The following JAM3 variants were observed in gnomAD, a reference collection of about 807,000 sequenced individuals.
The protein encoded by JAM3 is junctional adhesion molecule 3.
A neutral mutation model predicts 39.4 loss-of-function variants in JAM3; 31 were observed. The observed-to-expected ratio is 0.79, with a 90% confidence interval of 0.59 to 1.06. JAM3 has a LOEUF of 1.06. Ranked by LOEUF, JAM3 falls within the 50% of genes least tolerant of loss-of-function variation. The pLI is 0.00. For missense variants in JAM3, 455 were observed against 391.4 expected, an observed-to-expected ratio of 1.16 and a Z score of -1.37; for synonymous variants, 182 against 148.7, an observed-to-expected ratio of 1.22 and a Z score of -1.63.
At chr11:134,141,726 G>A (rs557290489) in intron 3 of JAM3, among the ~76,000 whole-genome samples, 117 of 152,110 alleles carry the variant, frequency 7.7e-4, no homozygotes, top group Non-Finnish European at 1.3e-3. Flanking sequence ...AGAGAGACTC[G>A]AGGGGAGGCC....
intron 1 of JAM3, among the ~76,000 whole-genome samples, chr11:134,101,638 T>C (rs1942074343): frequency 6.6e-6 from 1 of 152,222 alleles, no homozygotes. Context: ...AGTGTTCTTT[T>C]GGTATAATAC....
chr11:134,088,329 T>C (rs951963562), intron 1 of JAM3, among the ~76,000 whole-genome samples: 8 of 152,212 alleles, frequency 5.3e-5, no homozygotes, highest in Admixed American at 3.9e-4. Flanking sequence ...GAAGCTCTTA[T>C]CATACCTTGC....
At chr11:134,077,209 CTGA>C (rs930385367) in intron 1 of JAM3, among the ~76,000 whole-genome samples, 3 of 152,138 alleles carry the variant, frequency 2.0e-5, no homozygotes, top group South Asian at 2.1e-4. Flanking sequence ...TTGCATCTCT[CTGA>C]TGATGAGCGA....
chr11:134,098,609 CAGAG>C (rs1303000697), intron 1 of JAM3, among the ~76,000 whole-genome samples: 1 of 152,112 alleles, frequency 6.6e-6, no homozygotes, highest in Non-Finnish European at 1.5e-5. Context: ...GCTAAAATGG[CAGAG>C]AGAAATCCTT....
intron 1 of JAM3, among the ~76,000 whole-genome samples, chr11:134,138,821 T>G (rs1942921242): frequency 6.6e-6 from 1 of 152,216 alleles, no homozygotes. Context: ...TTTGCTAGAA[T>G]TAGTGAAATC....
chr11:134,122,671 A>G (rs1234197585), intron 1 of JAM3, among the ~76,000 whole-genome samples: 2 of 152,252 alleles, frequency 1.3e-5, no homozygotes, highest in African/African-American at 2.4e-5. Context: ...TAACAAGGCA[A>G]TCAATGGTTA....
chr11:134,113,110 A>G (rs1324666803), intron 1 of JAM3, among the ~76,000 whole-genome samples: 1 of 152,020 alleles, frequency 6.6e-6, no homozygotes, highest in Non-Finnish European at 1.5e-5. Context: ...ATATTAAGGG[A>G]TCATAAATGT....
Position 134,149,439 on chromosome 11 carries a change from T to C in JAM3, c.*258T>C. 1.7e-6 allele frequency: 1 copy of C among 596,772 alleles called. No homozygotes were observed. The highest frequency in any genetic ancestry group is 2.7e-5 in the Admixed American group (1 of 37,668). The allele number at this position is 596,772 out of a possible 1,614,324, so 37.0% of individuals were successfully genotyped here. Reference sequence around the variant, plus strand: ...TGCGTTCACTGAGTTGGGTTCCTAATCTGTTTCTGGCCTGATTCCCGCATG... The same window carrying C: ...TGCGTTCACTGAGTTGGGTTCCTAACCTGTTTCTGGCCTGATTCCCGCATG... On this transcript the variant is annotated 3_prime_UTR_variant, in exon 9 of 9. Transcript: ENST00000299106.
Position 134,145,009 on chromosome 11 carries a change from A to G in JAM3, c.612+15A>G, listed in dbSNP as rs200007410. ...CAGGCACTTTGGTAAGATCTCTTCTAAGAGGTGAGGATGGAGATGTCTTTG... is the reference window on the plus strand; with the variant it reads ...CAGGCACTTTGGTAAGATCTCTTCTGAGAGGTGAGGATGGAGATGTCTTTG... On this transcript the variant is annotated intron_variant, in intron 5 of 8. Transcript: ENST00000299106. 1.6e-5 allele frequency: 25 copies of G among 1,590,322 alleles called. No individual in the cohort carries two copies. Among genetic ancestry groups the G allele is most frequent in the African/African-American group, 1.3e-5 (1 of 74,474 alleles).
At chr11:134,128,397 C>T (rs1942695591) in intron 1 of JAM3, among the ~76,000 whole-genome samples, 1 of 152,202 alleles carries the variant, frequency 6.6e-6, no homozygotes, top group African/African-American at 2.4e-5. Flanking sequence ...TATTTTGGTA[C>T]TCAAAAATTT....
intron 1 of JAM3, among the ~76,000 whole-genome samples, chr11:134,134,022 A>G (rs918435206): frequency 6.6e-6 from 1 of 151,608 alleles, no homozygotes; most frequent in African/African-American, 2.4e-5. Context: ...TAAGTAGATA[A>G]CATGCAAGAA....
At chr11:134,077,111 A>C (rs1005908247) in intron 1 of JAM3, among the ~76,000 whole-genome samples, 5 of 151,912 alleles carry the variant, frequency 3.3e-5, no homozygotes, top group Non-Finnish European at 5.9e-5. Context: ...CTGGGATTAC[A>C]TGCATGAGGC....
chr11:134,107,171 T>A (rs1277101560), intron 1 of JAM3, among the ~76,000 whole-genome samples: 3 of 152,208 alleles, frequency 2.0e-5, no homozygotes, highest in East Asian at 1.9e-4. Context: ...GATGAGTTCA[T>A]GTCCTTTGTC....
intron 1 of JAM3, among the ~76,000 whole-genome samples, chr11:134,105,904 G>A (rs1469098228): frequency 3.9e-5 from 6 of 152,140 alleles, no homozygotes; most frequent in Admixed American, 6.5e-5. Flanking sequence ...AATCAATATC[G>A]TGAAAATGGC....
At chr11:134,106,678 AAC>A (rs1438999768) in intron 1 of JAM3, among the ~76,000 whole-genome samples, 7 of 152,270 alleles carry the variant, frequency 4.6e-5, no homozygotes, top group Admixed American at 2.0e-4. Context: ...AAAGAATATG[AAC>A]AGACACTTCT....
chr11:134,124,751 C>G (rs1189791885), intron 1 of JAM3, among the ~76,000 whole-genome samples: 3 of 152,090 alleles, frequency 2.0e-5, no homozygotes, highest in Non-Finnish European at 2.9e-5. Flanking sequence ...TGAGGCCGGT[C>G]GGTGTGTCCA....
intron 1 of JAM3, among the ~76,000 whole-genome samples, chr11:134,116,912 A>G (rs1011148769): frequency 1.3e-5 from 2 of 152,136 alleles, no homozygotes; most frequent in Non-Finnish European, 2.9e-5. Flanking sequence ...TTGCATATTC[A>G]TTCTTTGATG....
At position 134,149,251 on chromosome 11, in the gene JAM3, C is replaced by T; in HGVS notation, c.*70C>T. ...CCTCTGCTAGAAACTCCTGTCAAGG[C>T]AGCGAGAGCTGATGCACTCGGACAG... On this transcript the variant is annotated 3_prime_UTR_variant, in exon 9 of 9. Transcript: ENST00000299106. 1 of 1,588,740 alleles carries T rather than the reference C, an allele frequency of 6.3e-7. No individual in the cohort carries two copies. Among genetic ancestry groups the T allele is most frequent in the Non-Finnish European group, 8.6e-7 (1 of 1,158,192 alleles).
intron 3 of JAM3, 80 bp downstream of exon 3, chr11:134,140,850 C>G (rs891171150): frequency 2.0e-6 from 3 of 1,536,376 alleles, no homozygotes; most frequent in Non-Finnish European, 1.8e-6. Context: ...CAGAAACTTA[C>G]CTCAGACTGG....
Sources: gnomAD v4.1 joint callset for allele counts (sites outside exome capture counted in the v4.1 genomes callset) on GRCh38, gnomAD v4.1.1 for gene constraint, MANE v1.5 for transcripts, NCBI Gene and HGNC (gene_info 2026-07-23, HGNC 2026-07-21) for gene names.